SEC22C: variants seen among roughly 807,000 people sequenced by gnomAD.
SEC22C encodes SEC22 homolog C, vesicle trafficking protein, also known as vesicle-trafficking protein SEC22c.
A neutral mutation model predicts 34.7 loss-of-function variants in SEC22C; 29 were observed. That is an observed-to-expected ratio of 0.84 (90% confidence interval 0.62 to 1.14). The LOEUF (loss-of-function observed/expected upper bound fraction) is 1.14, where lower values mean the gene tolerates loss of function less well. SEC22C is among the 50% of genes most tolerant of loss of function. SEC22C has a pLI of 0.00. For synonymous variants in SEC22C, 117 were observed against 132.8 expected (o/e 0.88, Z 0.82); for missense variants, 337 against 369.0 (o/e 0.91, Z 0.71).
intron 1 of SEC22C, among the ~76,000 whole-genome samples, chr3:42,571,326 CTT>C (rs138556049): frequency 0.036 from 5,517 of 152,266 alleles, 161 homozygotes; most frequent in East Asian, 0.12. Context: ...AAATACCCCT[CTT>C]GTTTTTCAGT....
intron 1 of SEC22C, among the ~76,000 whole-genome samples, chr3:42,572,123 C>T (rs1336568016): frequency 1.3e-5 from 2 of 150,986 alleles, no homozygotes; most frequent in African/African-American, 4.9e-5. Context: ...TGTGAGTCTG[C>T]TGAGTTTGTT....
At chr3:42,591,082 G>C (rs1391002909) in intron 1 of SEC22C, 2 of 1,204,690 alleles carry the variant, frequency 1.7e-6, no homozygotes, top group Non-Finnish European at 2.4e-6. Context: ...GAAGGGTGCT[G>C]AGCAGCCGGG....
intron 1 of SEC22C, among the ~76,000 whole-genome samples, chr3:42,589,909 C>T (rs758873102): frequency 1.8e-4 from 27 of 152,212 alleles, no homozygotes; most frequent in Non-Finnish European, 3.5e-4. Context: ...CCAGCTTCCT[C>T]CTTGCATCTT....
At chr3:42,593,719 A>G (rs1037822617) in intron 1 of SEC22C, among the ~76,000 whole-genome samples, 2 of 152,236 alleles carry the variant, frequency 1.3e-5, no homozygotes, top group Admixed American at 6.5e-5. Flanking sequence ...GCACATAATA[A>G]TAAGTGCTTT....
chr3:42,563,580 A>G lies in SEC22C; in HGVS notation c.289T>C (p.Ser97Pro). Residue 97 changes from serine (S) to proline (P), a missense_variant, in exon 3 of 7, where the codon TCC becomes CCC. Coordinates refer to ENST00000264454, the MANE Select transcript of SEC22C (RefSeq NM_032970.4). Reference sequence around the variant, plus strand: ...AGGCCAATGCAGGTAGTGTCATAGGAAGCTGTGAATTCCCACCACAGGGTC... The same window carrying G: ...AGGCCAATGCAGGTAGTGTCATAGGGAGCTGTGAATTCCCACCACAGGGTC... Reference protein sequence around the residue: ...LETLWWEFTASYDTTCIGLAS... With the variant: ...LETLWWEFTAPYDTTCIGLAS... The G allele has an allele frequency of 6.2e-7, 1 of 1,614,184 alleles. No homozygotes were observed. The highest frequency in any genetic ancestry group is 8.5e-7 in the Non-Finnish European group (1 of 1,179,992).
upstream of SEC22C, among the ~76,000 whole-genome samples, chr3:42,583,484 A>G (rs989429575): frequency 6.6e-6 from 1 of 152,178 alleles, no homozygotes; most frequent in Non-Finnish European, 1.5e-5. Flanking sequence ...GGAAGAGGAG[A>G]TAAGATTGAT....
At chr3:42,558,298 T>C (rs1702658233) in intron 4 of SEC22C, among the ~76,000 whole-genome samples, 1 of 150,696 alleles carries the variant, frequency 6.6e-6, no homozygotes, top group Non-Finnish European at 1.5e-5. Flanking sequence ...CTGGGCAACA[T>C]AGTGAGACCC....
intron 1 of SEC22C, among the ~76,000 whole-genome samples, chr3:42,599,379 C>T (rs1705174531): frequency 6.6e-6 from 1 of 151,544 alleles, no homozygotes; most frequent in South Asian, 2.1e-4. Flanking sequence ...GGTCACAAGG[C>T]GAAGGTAATT....
rs931696759 is a variant in SEC22C at position 42,551,565 on chromosome 3, T to G, written c.*1683A>C. Reference sequence around the variant, plus strand: ...GTTGTCCAGGCTGGTCTCAAACTACTGGCCTCAACCGAGTCTCCTGCTTTG... The same window carrying G: ...GTTGTCCAGGCTGGTCTCAAACTACGGGCCTCAACCGAGTCTCCTGCTTTG... On this transcript the variant is annotated 3_prime_UTR_variant, in exon 7 of 7. Coordinates refer to ENST00000264454, the MANE Select transcript of SEC22C (RefSeq NM_032970.4). 1.8e-6 allele frequency: 1 copy of G among 551,266 alleles called. No individual in the cohort carries two copies. Among genetic ancestry groups the G allele is most frequent in the Non-Finnish European group, 2.3e-6 (1 of 433,834 alleles). 34.1% of individuals were successfully genotyped at this position (551,266 alleles called of 1,614,324 possible). A position where few individuals can be genotyped will look rare whatever the true frequency, so the allele number is the denominator to read the frequency against.
At chr3:42,592,141 A>G (rs1035614297) in intron 1 of SEC22C, among the ~76,000 whole-genome samples, 2 of 152,218 alleles carry the variant, frequency 1.3e-5, no homozygotes, top group Non-Finnish European at 2.9e-5. Context: ...AAAATGAGAG[A>G]AAATAGAGTC....
chr3:42,580,042 A>T (rs1704217614), intron 1 of SEC22C, among the ~76,000 whole-genome samples: 1 of 152,204 alleles, frequency 6.6e-6, no homozygotes, highest in African/African-American at 2.4e-5. Context: ...ACATATTTTA[A>T]TTTGCCTCCC....
At chr3:42,586,315 C>T (rs898109019), upstream of SEC22C, among the ~76,000 whole-genome samples, 4 of 152,146 alleles carry the variant, frequency 2.6e-5, no homozygotes, top group African/African-American at 9.7e-5. Context: ...CTCTGCCTGC[C>T]GGATTCAAGT....
Position 42,557,560 on chromosome 3 carries a change from A to T in SEC22C, c.645+18T>A. 1.6e-6 allele frequency: 2 copies of T among 1,270,616 alleles called. No individual in the cohort carries two copies. The highest frequency in any genetic ancestry group is 1.4e-5 in the South Asian group (1 of 70,824). The allele number at this position is 1,270,616 out of a possible 1,614,324, so 78.7% of individuals were successfully genotyped here. A position where few individuals can be genotyped will look rare whatever the true frequency, so the allele number is the denominator to read the frequency against. On this transcript the variant is annotated intron_variant, in intron 5 of 6. Coordinates refer to ENST00000264454, the MANE Select transcript of SEC22C (RefSeq NM_032970.4). ...TGTCCTTCAATTTAAACTGTTTTAA[A>T]AAAAAAAAAAAGGTTACCTGTAAAG...
At chr3:42,566,260 A>G (rs1703231145) in intron 2 of SEC22C, among the ~76,000 whole-genome samples, 1 of 152,218 alleles carries the variant, frequency 6.6e-6, no homozygotes, top group Admixed American at 6.5e-5. Context: ...CCTTCAGGAC[A>G]TGGCCCTTCT....
intron 4 of SEC22C, among the ~76,000 whole-genome samples, chr3:42,560,008 C>T (rs1249858438): frequency 6.6e-6 from 1 of 151,550 alleles, no homozygotes; most frequent in Non-Finnish European, 1.5e-5. Context: ...AGCCCCCTGT[C>T]CAACGCTCTC....
chr3:42,585,712 A>G (rs1441611016), upstream of SEC22C, among the ~76,000 whole-genome samples: 2 of 152,122 alleles, frequency 1.3e-5, no homozygotes, highest in East Asian at 3.9e-4. Flanking sequence ...CAGCACTACA[A>G]TCCTGGAAGA....
intron 1 of SEC22C, among the ~76,000 whole-genome samples, chr3:42,572,175 T>C (rs371306475): frequency 1.4e-5 from 2 of 146,620 alleles, no homozygotes; most frequent in South Asian, 2.1e-4. Context: ...TATCACAGAC[T>C]GAGTGGTGGA....
Position 42,550,387 on chromosome 3 carries a change from TG to T in SEC22C, c.*2860del. On this transcript the variant is annotated 3_prime_UTR_variant, in exon 7 of 7. Coordinates refer to ENST00000264454, the MANE Select transcript of SEC22C (RefSeq NM_032970.4). ...CTCCTGGGATTTGGAACCAGTTTGC[TG>T]GTATCAAGGATCACACAAGAGGCTA... 2 of 985,450 alleles carry T rather than the reference TG, an allele frequency of 2.0e-6. No homozygotes were observed. The highest frequency in any genetic ancestry group is 2.4e-6 in the Non-Finnish European group (2 of 829,942). The allele number at this position is 985,450 out of a possible 1,614,324, so 61.0% of individuals were successfully genotyped here. A position where few individuals can be genotyped will look rare whatever the true frequency, so the allele number is the denominator to read the frequency against.
At chr3:42,564,091 A>C in intron 2 of SEC22C, 1 of 432,672 alleles carries the variant, frequency 2.3e-6, no homozygotes, top group East Asian at 7.4e-5. Context: ...CTACATATTC[A>C]TAAACATACA....
Sources: allele counts gnomAD v4.1 joint callset (sites outside exome capture counted in the v4.1 genomes callset), GRCh38; gene constraint gnomAD v4.1.1; transcripts MANE v1.5; gene names NCBI Gene and HGNC (gene_info 2026-07-23, HGNC 2026-07-21).